CACNA1D: variants seen among roughly 807,000 people sequenced by gnomAD.
CACNA1D encodes voltage-dependent L-type calcium channel subunit alpha-1D.
Under a neutral mutation model 257.1 loss-of-function variants are expected in CACNA1D, and 55 were observed. That is an observed-to-expected ratio of 0.21 (90% confidence interval 0.17 to 0.27). CACNA1D has a LOEUF of 0.27. CACNA1D is among the 10% of genes least tolerant of loss of function. The pLI is 1.00. For missense variants in CACNA1D, 1,876 were observed against 2,784.0 expected, an observed-to-expected ratio of 0.67 and a Z score of 7.34; for synonymous variants, 980 against 1,014.9, an observed-to-expected ratio of 0.97 and a Z score of 0.65.
chr3:53,498,352 G>A (rs551881576), intron 2 of CACNA1D, among the ~76,000 whole-genome samples: 2 of 152,240 alleles, frequency 1.3e-5, no homozygotes, highest in African/African-American at 4.8e-5. Flanking sequence ...CTTGGAAAAC[G>A]ATTGTGCTTC....
chr3:53,681,050 G>A (rs2094425050), intron 8 of CACNA1D, among the ~76,000 whole-genome samples: 1 of 152,206 alleles, frequency 6.6e-6, no homozygotes, highest in Admixed American at 6.5e-5. Context: ...ATATGAGACA[G>A]CATTGATGGT....
intron 40 of CACNA1D, chr3:53,797,715 A>G (rs1234265311): frequency 2.6e-5 from 4 of 152,244 alleles, no homozygotes; most frequent in African/African-American, 4.8e-5. Context: ...TATTTCAGTG[A>G]AATGTCAACC....
Position 53,805,081 on chromosome 3 carries a change from A to G in CACNA1D, c.5684A>G (p.Asp1895Gly), listed in dbSNP as rs1167330533. Residue 1895 changes from aspartate to glycine, a missense_variant, in exon 45 of 48, where the codon GAC becomes GGC. Asp to Gly is a moderately conservative substitution (Grantham distance 94). Transcript: ENST00000350061. ...HHPQGFLEDD[D>G]SPVCYDSRRS... Reference sequence around the variant, plus strand: ...CCCCAAGGATTCTTGGAGGACGATGACTCGCCCGTTTGCTATGATTCACGG... The same window carrying G: ...CCCCAAGGATTCTTGGAGGACGATGGCTCGCCCGTTTGCTATGATTCACGG... 1.2e-6 allele frequency: 2 copies of G among 1,613,966 alleles called. No homozygotes were observed. Among genetic ancestry groups the G allele is most frequent in the African/African-American group, 1.3e-5 (1 of 74,982 alleles).
At chr3:53,767,333 G>A (rs2095338927) in intron 30 of CACNA1D, among the ~76,000 whole-genome samples, 1 of 152,150 alleles carries the variant, frequency 6.6e-6, no homozygotes, top group South Asian at 2.1e-4. Context: ...GGGAGGCCGA[G>A]ATAGGCAGAT....
intron 8 of CACNA1D, among the ~76,000 whole-genome samples, chr3:53,684,873 A>G (rs2094461575): frequency 1.3e-5 from 2 of 152,158 alleles, no homozygotes; most frequent in African/African-American, 4.8e-5. Context: ...AAGGATGCAT[A>G]TGATAATCTC....
chr3:53,570,928 A>G (rs17053195), intron 3 of CACNA1D, among the ~76,000 whole-genome samples: 8,274 of 152,342 alleles, frequency 0.054, 733 homozygotes, highest in African/African-American at 0.19. Context: ...TGCAGTGTGC[A>G]GAACTGGTCC....
intron 3 of CACNA1D, among the ~76,000 whole-genome samples, chr3:53,625,463 C>T (rs1240680594): frequency 2.6e-5 from 4 of 152,174 alleles, no homozygotes; most frequent in East Asian, 1.9e-4. Flanking sequence ...TCTTGCTCTA[C>T]TGAGTACTCT....
chr3:53,776,845 G>A lies in CACNA1D; in HGVS notation c.4491-15G>A. 6.2e-7 allele frequency: 1 copy of A among 1,613,452 alleles called. No individual in the cohort carries two copies. ...TGGTACTGTTCCTGGACCTTAGATT[G>A]TATTTTACTTCCAGGGGAAGGATAA... On this transcript the variant is annotated splice_polypyrimidine_tract_variant and intron_variant, in intron 36 of 47. Coordinates refer to ENST00000350061, the MANE Select transcript of CACNA1D (RefSeq NM_001128840.3).
intron 40 of CACNA1D, among the ~76,000 whole-genome samples, chr3:53,799,045 G>A (rs934178699): frequency 5.3e-5 from 8 of 152,326 alleles, no homozygotes; most frequent in East Asian, 1.9e-4. Context: ...ACCACCCTGA[G>A]GTTGAAGCAT....
intron 3 of CACNA1D, among the ~76,000 whole-genome samples, chr3:53,517,185 A>G (rs1028946332): frequency 6.6e-6 from 1 of 150,596 alleles, no homozygotes; most frequent in African/African-American, 2.4e-5. Context: ...ACTTGGCTTC[A>G]TCTTGCCTTC....
At chr3:53,798,638 A>G (rs1237061025) in intron 40 of CACNA1D, among the ~76,000 whole-genome samples, 2 of 152,194 alleles carry the variant, frequency 1.3e-5, no homozygotes, top group African/African-American at 4.8e-5. Context: ...ACCAAACCCA[A>G]CCTGGCACCA....
At chr3:53,736,718 C>T (rs2095060737) in intron 20 of CACNA1D, among the ~76,000 whole-genome samples, 1 of 151,676 alleles carries the variant, frequency 6.6e-6, no homozygotes, top group African/African-American at 2.4e-5. Context: ...ATAGTGAGAC[C>T]CCATCTATAT....
In CACNA1D at chr3:53,812,553, G is replaced by GTCTT. The variant is rs2095604941; in HGVS notation, c.*1149_*1152dup. The GTCTT allele has an allele frequency of 6.7e-6, 1 of 148,390 alleles. No homozygotes were observed. Among genetic ancestry groups the GTCTT allele is most frequent in the Non-Finnish European group, 1.5e-5 (1 of 67,830 alleles). 9.2% of individuals were successfully genotyped at this position (148,390 alleles called of 1,614,324 possible). ...TTTGGATCCACCATGGGTTGCAACTGTCTTTGGTTTTGTTTGTTTGACTTG... is the reference window on the plus strand; with the variant it reads ...TTTGGATCCACCATGGGTTGCAACTGTCTTTCTTTGGTTTTGTTTGTTTGACTTG... On this transcript the variant is annotated 3_prime_UTR_variant, in exon 48 of 48. Transcript: ENST00000350061.
rs761725496 is a variant in CACNA1D at position 53,805,082 on chromosome 3, C to T, written c.5685C>T (p.Asp1895=). The change falls in exon 45 of 48, where the codon GAC becomes GAT. Residue 1895 remains aspartate, a synonymous_variant. Transcript: ENST00000350061. ...CCCAAGGATTCTTGGAGGACGATGA[C>T]TCGCCCGTTTGCTATGATTCACGGA... The part of the protein sequence containing the change: ...HHPQGFLEDD[D]SPVCYDSRRS... 1.2e-5 allele frequency: 19 copies of T among 1,614,018 alleles called. No individual in the cohort carries two copies. The highest frequency in any genetic ancestry group is 4.0e-5 in the African/African-American group (3 of 74,910).
intron 3 of CACNA1D, among the ~76,000 whole-genome samples, chr3:53,525,725 A>G (rs2091739595): frequency 6.6e-6 from 1 of 152,138 alleles, no homozygotes; most frequent in African/African-American, 2.4e-5. Flanking sequence ...GGGAGTCAGG[A>G]GTCCTTCCTG....
chr3:53,652,829 T>C (rs2094110955), intron 4 of CACNA1D, among the ~76,000 whole-genome samples: 1 of 152,220 alleles, frequency 6.6e-6, no homozygotes, highest in Non-Finnish European at 1.5e-5. Flanking sequence ...GTAGTTTAGG[T>C]CTACAAAACC....
intron 8 of CACNA1D, among the ~76,000 whole-genome samples, chr3:53,693,107 A>G (rs1488271171): frequency 2.0e-5 from 3 of 152,228 alleles, no homozygotes; most frequent in African/African-American, 7.2e-5. Flanking sequence ...TTTACTGTGT[A>G]AACAAGGGAC....
chr3:53,730,532 A>G lies in CACNA1D; in HGVS notation c.2312A>G (p.Glu771Gly), dbSNP rs2108759110. 2 of 1,613,848 alleles carry G rather than the reference A, an allele frequency of 1.2e-6. No homozygotes were observed. Among genetic ancestry groups the G allele is most frequent in the Non-Finnish European group, 8.5e-7 (1 of 1,179,666 alleles). Residue 771 changes from glutamate (E) to glycine (G), a missense_variant, in exon 16 of 48, where the codon GAA becomes GGA. Around this residue, in one of 10 missense-constraint regions of CACNA1D, gnomAD observed 78 missense variants for 69.2 expected, o/e 1.13. Transcript: ENST00000350061. Reference protein sequence around the residue: ...LNTAQKEEAEEKERKKIARKE... With the variant: ...LNTAQKEEAEGKERKKIARKE... ...ACTGCTCAGAAAGAAGAAGCGGAAGAAAAGGAGAGGAAAAAGATTGCCAGG... is the reference window on the plus strand; with the variant it reads ...ACTGCTCAGAAAGAAGAAGCGGAAGGAAAGGAGAGGAAAAAGATTGCCAGG...
rs751372761 is a variant in CACNA1D at position 53,497,316 on chromosome 3, G to A, written c.232G>A (p.Gly78Arg). The change falls in exon 2 of 48, where the codon GGA (glycine) becomes AGA (arginine). Residue 78 changes from glycine to arginine, a missense_variant. Gly to Arg is a moderately radical substitution (Grantham distance 125). This residue lies in a region of CACNA1D where 143 missense variants were observed against 168.7 expected (regional missense o/e 0.85). Coordinates refer to ENST00000350061, the MANE Select transcript of CACNA1D (RefSeq NM_001128840.3). ...GAGCACCTCTGCACCCCCACCTGTA[G>A]GATCTCTCTCCCAAAGAAAACGTCA... ...TMSTSAPPPV[G>R]SLSQRKRQQY... 1 of 1,614,062 alleles carries A rather than the reference G, an allele frequency of 6.2e-7. No individual in the cohort carries two copies. Among genetic ancestry groups the A allele is most frequent in the Non-Finnish European group, 8.5e-7 (1 of 1,180,036 alleles).
Sources: allele counts gnomAD v4.1 joint callset (sites outside exome capture counted in the v4.1 genomes callset), GRCh38; gene constraint gnomAD v4.1.1; regional missense constraint gnomAD v4.1.1; transcripts MANE v1.5; gene names NCBI Gene and HGNC (gene_info 2026-07-23, HGNC 2026-07-21).